The following ADK variants were observed in gnomAD, a reference collection of about 807,000 sequenced individuals.
ADK encodes the protein N6,N6-dimethyladenosine kinase.
ADK carries 24 observed loss-of-function variants against 44.7 expected under a neutral mutation model. The ratio of observed to expected loss-of-function variants is 0.54; its 90% CI spans 0.39 to 0.76. The LOEUF is 0.76. Ranked by LOEUF, ADK falls within the 30% of genes least tolerant of loss-of-function variation. The pLI, the probability that ADK is intolerant of heterozygous loss-of-function variation, is 0.00. For synonymous variants in ADK, 128 were observed against 142.6 expected (o/e 0.90, Z 0.73); for missense variants, 321 against 425.1 (o/e 0.76, Z 2.15).
chr10:74,165,795 T>C (rs1842019105), intron 1 of ADK, among the ~76,000 whole-genome samples: 1 of 152,246 alleles, frequency 6.6e-6, no homozygotes, highest in Non-Finnish European at 1.5e-5. Context: ...TGTTTTATAA[T>C]CTTGTCTAGA....
At chr10:74,184,503 G>T (rs1184977663) in intron 1 of ADK, among the ~76,000 whole-genome samples, 4 of 10,740 alleles carry the variant, frequency 3.7e-4, no homozygotes, top group South Asian at 2.4e-3. Flanking sequence ...GCTATATTTT[G>T]TGTGTGTGTG....
intron 1 of ADK, among the ~76,000 whole-genome samples, chr10:74,170,063 G>A (rs1300693097): frequency 6.6e-6 from 1 of 152,114 alleles, no homozygotes; most frequent in Non-Finnish European, 1.5e-5. Flanking sequence ...CAAGTTTTAA[G>A]AAGTTTCTCT....
At chr10:74,700,579 G>T (rs542027858) in intron 10 of ADK, among the ~76,000 whole-genome samples, 136 of 151,492 alleles carry the variant, frequency 9.0e-4, no homozygotes, top group African/African-American at 2.9e-3. Context: ...AAAGCAAAGT[G>T]TAAGAGAGCA....
chr10:74,376,764 TTC>T (rs1230886712), intron 4 of ADK, among the ~76,000 whole-genome samples: 2 of 147,944 alleles, frequency 1.4e-5, no homozygotes, highest in African/African-American at 4.9e-5. Context: ...ATTACTGCTT[TTC>T]TCTCTCTCGT....
intron 6 of ADK, 28 bp from the exon 7 acceptor site, chr10:74,525,228 A>G: frequency 1.2e-6 from 2 of 1,606,866 alleles, no homozygotes; most frequent in South Asian, 1.1e-5. Context: ...TGGTATTTCT[A>G]ATTTTCCCTC....
At chr10:74,207,610 C>T (rs1843651131) in intron 2 of ADK, among the ~76,000 whole-genome samples, 2 of 152,178 alleles carry the variant, frequency 1.3e-5, no homozygotes, top group South Asian at 4.1e-4. Context: ...AACTCCTTTC[C>T]ACAGTTGGTA....
intron 4 of ADK, among the ~76,000 whole-genome samples, chr10:74,350,016 C>T (rs1309611023): frequency 6.6e-6 from 1 of 152,156 alleles, no homozygotes; most frequent in African/African-American, 2.4e-5. Context: ...AGAAAATTAA[C>T]AAGGTTATTC....
intron 6 of ADK, among the ~76,000 whole-genome samples, chr10:74,516,236 T>C (rs1313772530): frequency 6.6e-6 from 1 of 152,084 alleles, no homozygotes; most frequent in Non-Finnish European, 1.5e-5. Flanking sequence ...CTGACTTTTT[T>C]CCCTGCAATA....
chr10:74,203,877 A>G (rs1363169557), intron 2 of ADK, among the ~76,000 whole-genome samples: 1 of 151,274 alleles, frequency 6.6e-6, no homozygotes, highest in Non-Finnish European at 1.5e-5. Flanking sequence ...TTGGAATTAC[A>G]TTGAATGTAT....
At chr10:74,570,976 T>G (rs1850932735) in intron 7 of ADK, among the ~76,000 whole-genome samples, 1 of 152,224 alleles carries the variant, frequency 6.6e-6, no homozygotes, top group Non-Finnish European at 1.5e-5. Flanking sequence ...ATACCTAATT[T>G]ATTGAGAGTT....
intron 6 of ADK, among the ~76,000 whole-genome samples, chr10:74,429,240 C>G (rs185545509): frequency 8.7e-4 from 133 of 152,260 alleles, no homozygotes; most frequent in Non-Finnish European, 1.4e-3. Flanking sequence ...GAATATTATT[C>G]AAACTATTCA....
In ADK at chr10:74,626,402, C is replaced by T. The variant is rs566016525; in HGVS notation, c.877+25909C>T. ...GCAACCTCCACCTCCTGAGTTCAAGCGATTCTCCTGCCTCAGCCTCTTCCA... is the reference window on the plus strand; with the variant it reads ...GCAACCTCCACCTCCTGAGTTCAAGTGATTCTCCTGCCTCAGCCTCTTCCA... On this transcript the variant is annotated intron_variant, in intron 9 of 10. Coordinates refer to ENST00000539909, the MANE Select transcript of ADK (RefSeq NM_006721.4). Among the ~76,000 whole-genome samples, 6 of 151,390 alleles carry T rather than the reference C, an allele frequency of 4.0e-5. No individual in the cohort carries two copies. In the South Asian group the frequency reaches 8.4e-4, roughly 21 times the overall value.
chr10:74,609,689 C>A (rs1048930786), intron 9 of ADK, among the ~76,000 whole-genome samples: 1 of 152,136 alleles, frequency 6.6e-6, no homozygotes, highest in Non-Finnish European at 1.5e-5. Context: ...ATTCAGCCAT[C>A]TTGCCAGCCA....
At chr10:74,185,842 GAAAAAAAAAAA>G (rs71021593) in intron 1 of ADK, among the ~76,000 whole-genome samples, 3 of 65,824 alleles carry the variant, frequency 4.6e-5, no homozygotes, top group Admixed American at 2.0e-4. Context: ...GTCTCAAAAA[GAAAAAAAAAAA>G]AAAAAAAAAA....
At position 74,396,000 on chromosome 10, in the gene ADK, G is replaced by A. The variant is rs114732324; in HGVS notation, c.446+1687G>A. On this transcript the variant is annotated intron_variant, in intron 5 of 10. Transcript: ENST00000539909. ...CGCTCCAGCCTGGGCAACAGAGCAA[G>A]ATTCTGTCTCAAAACCAAAGAGAGA... Among the ~76,000 whole-genome samples, 114 of 152,240 alleles carry A rather than the reference G, an allele frequency of 7.5e-4. 1 individual carries two copies. The highest frequency in any genetic ancestry group is 2.6e-3 in the African/African-American group (110 of 41,548).
chr10:74,498,923 T>C (rs959888232), intron 6 of ADK, among the ~76,000 whole-genome samples: 3 of 152,250 alleles, frequency 2.0e-5, no homozygotes, highest in Non-Finnish European at 4.4e-5. Context: ...TGGATGAAGC[T>C]GGAAACCATC....
At chr10:74,408,316 A>G (rs1844030655) in intron 6 of ADK, among the ~76,000 whole-genome samples, 1 of 152,120 alleles carries the variant, frequency 6.6e-6, no homozygotes, top group Non-Finnish European at 1.5e-5. Context: ...GATAATAACT[A>G]TGATTTATCT....
intron 9 of ADK, among the ~76,000 whole-genome samples, chr10:74,653,481 G>T (rs570489302): frequency 2.0e-5 from 3 of 151,846 alleles, no homozygotes; most frequent in Non-Finnish European, 4.4e-5. Flanking sequence ...AATAACATGC[G>T]TATGATCCTT....
At position 74,600,376 on chromosome 10, in the gene ADK, T is replaced by C; in HGVS notation, c.763-3T>C. ...AGAATTTTTTCCTTCCTTCTATTAA[T>C]AGACTAAAGACATTAAAGAGATAGC... On this transcript the variant is annotated splice_polypyrimidine_tract_variant and splice_region_variant and intron_variant, in intron 8 of 10. Coordinates refer to ENST00000539909, the MANE Select transcript of ADK (RefSeq NM_006721.4). The C allele has an allele frequency of 1.3e-6, 2 of 1,599,736 alleles. No individual in the cohort carries two copies. The highest frequency in any genetic ancestry group is 1.7e-5 in the Admixed American group (1 of 59,586).
Sources: gnomAD v4.1 joint callset for allele counts (sites outside exome capture counted in the v4.1 genomes callset) on GRCh38, gnomAD v4.1.1 for gene constraint, MANE v1.5 for transcripts, NCBI Gene and HGNC (gene_info 2026-07-23, HGNC 2026-07-21) for gene names.